The following CD6 variants were observed in gnomAD, a reference collection of about 807,000 sequenced individuals.
CD6 encodes T-cell differentiation antigen CD6.
Under a neutral mutation model 75.3 loss-of-function variants are expected in CD6, and 53 were observed. The ratio of observed to expected loss-of-function variants is 0.70; its 90% CI spans 0.56 to 0.88. The LOEUF (loss-of-function observed/expected upper bound fraction) is 0.88. CD6 is among the 40% of genes least tolerant of loss of function. The pLI, the probability that CD6 is intolerant of heterozygous loss-of-function variation, is 0.00. For missense variants in CD6, 770 were observed against 897.1 expected (o/e 0.86, Z 1.81); for synonymous variants, 359 against 381.5 (o/e 0.94, Z 0.69).
At chr11:61,002,976 C>CTTTTCT (rs548079279) in intron 1 of CD6, among the ~76,000 whole-genome samples, 1 of 146,344 alleles carries the variant, frequency 6.8e-6, no homozygotes, top group African/African-American at 2.6e-5. Flanking sequence ...CTTTTCTTTT[C>CTTTTCT]TTTTTTGAGA....
intron 6 of CD6, among the ~76,000 whole-genome samples, chr11:61,012,022 C>T (rs1416820372): frequency 6.6e-6 from 1 of 152,164 alleles, no homozygotes; most frequent in South Asian, 2.1e-4. Flanking sequence ...GCATTGAGCC[C>T]CTTTGCAGTC....
chr11:61,005,475 G>A (rs1858803630), intron 1 of CD6, among the ~76,000 whole-genome samples: 1 of 152,198 alleles, frequency 6.6e-6, no homozygotes, highest in Non-Finnish European at 1.5e-5. Context: ...AGGAAGACAG[G>A]GGTTAATCCA....
chr11:60,985,641 T>C (rs1857783954), intron 1 of CD6, among the ~76,000 whole-genome samples: 1 of 152,148 alleles, frequency 6.6e-6, no homozygotes, highest in Non-Finnish European at 1.5e-5. Context: ...CGTCCAAGCA[T>C]GAGCTGTCTC....
At chr11:61,015,992 C>G (rs543378396) in intron 9 of CD6, among the ~76,000 whole-genome samples, 157 bp downstream of exon 9, 1 of 152,354 alleles carries the variant, frequency 6.6e-6, no homozygotes, top group South Asian at 2.1e-4. Context: ...TGGTCCTACA[C>G]TGACGTTTGC....
Position 61,007,748 on chromosome 11 carries a change from G to A in CD6, c.307G>A (p.Glu103Lys). Residue 103 changes from glutamate to lysine, a missense_variant, in exon 3 of 13, where the codon GAG becomes AAG. Physicochemically the swap from Glu to Lys is moderately conservative, Grantham distance 56. Coordinates refer to ENST00000313421, the MANE Select transcript of CD6 (RefSeq NM_006725.5). The surrounding 1 kb of genome is among the most constrained non-coding windows in gnomAD (Gnocchi z 4.2). The stretch of plus-strand genomic sequence containing the variant: ...CTCTCAGCTCGCCCCGCCGACCCCT[G>A]AGCTGCCGCCCCCGCCTGCAGCCGG... ...AASQLAPPTPELPPPPAAGNT... is the reference protein window; with the variant it reads ...AASQLAPPTPKLPPPPAAGNT... 2 of 1,445,066 alleles carry A rather than the reference G, an allele frequency of 1.4e-6. No homozygotes were observed. The highest frequency in any genetic ancestry group is 2.7e-5 in the Admixed American group (1 of 37,148). 89.5% of individuals were successfully genotyped at this position (1,445,066 alleles called of 1,614,324 possible). A position where few individuals can be genotyped will look rare whatever the true frequency, so the allele number is the denominator to read the frequency against.
At chr11:60,975,466 T>C (rs1037833340) in intron 1 of CD6, among the ~76,000 whole-genome samples, 1 of 152,238 alleles carries the variant, frequency 6.6e-6, no homozygotes, top group African/African-American at 2.4e-5. Context: ...ATGAATTCTA[T>C]TATCACAATT....
chr11:61,009,597 G>C lies in CD6; in HGVS notation c.807G>C (p.Gly269=), dbSNP rs1202227296. ...CSEHQSWRLT[G]GADRCEGQVE... is the part of the protein sequence containing the mutation. ...AGCACCAGTCCTGGCGCCTGACAGG[G>C]GGCGCTGACCGCTGCGAGGGGCAGG... The change falls in exon 5 of 13, where the codon GGG becomes GGC. Residue 269 remains glycine, a synonymous_variant. Coordinates refer to ENST00000313421, the MANE Select transcript of CD6 (RefSeq NM_006725.5). 5.0e-6 allele frequency: 8 copies of C among 1,609,860 alleles called. No individual in the cohort carries two copies. The highest frequency in any genetic ancestry group is 6.8e-6 in the Non-Finnish European group (8 of 1,178,228).
intron 1 of CD6, among the ~76,000 whole-genome samples, chr11:60,993,411 G>C (rs572008458): frequency 2.0e-5 from 3 of 152,144 alleles, no homozygotes; most frequent in African/African-American, 7.2e-5. Flanking sequence ...GCCAGCTGCC[G>C]TCCCATAGCT....
intron 2 of CD6, 41 bp downstream of exon 2, chr11:61,006,683 T>C (rs371589414): frequency 1.1e-5 from 16 of 1,516,632 alleles, no homozygotes; most frequent in African/African-American, 5.5e-5. Context: ...ATCAGCTTTC[T>C]GTAGGTGGTC....
At chr11:60,983,654 A>T (rs1451259697) in intron 1 of CD6, among the ~76,000 whole-genome samples, 1 of 151,278 alleles carries the variant, frequency 6.6e-6, no homozygotes, top group Non-Finnish European at 1.5e-5. Flanking sequence ...TTACATACGG[A>T]CATTTTCTTA....
intron 1 of CD6, among the ~76,000 whole-genome samples, chr11:60,996,549 C>T (rs916812): frequency 0.096 from 14,677 of 152,242 alleles, 1,152 homozygotes; most frequent in Non-Finnish European, 0.12. Context: ...CCTCGGGAGG[C>T]GGGCCCACCA....
intron 1 of CD6, among the ~76,000 whole-genome samples, chr11:60,977,692 G>C (rs965907745): frequency 3.3e-5 from 5 of 151,896 alleles, no homozygotes; most frequent in African/African-American, 1.2e-4. Flanking sequence ...CTAGAATGCA[G>C]TGGTGCAGCT....
chr11:61,018,681 G>GGTA (rs10623522), intron 12 of CD6: 156,981 of 407,984 alleles, frequency 0.38, 34,140 homozygotes, highest in African/African-American at 0.6. Context: ...ATTAGCCAAG[G>GGTA]GTAGCACGTG....
At position 60,971,763 on chromosome 11, in the gene CD6, G is replaced by A. The variant is rs1304775867; in HGVS notation, c.-103G>A. The A allele has an allele frequency of 3.5e-6, 4 of 1,131,822 alleles. No individual in the cohort carries two copies. The highest frequency in any genetic ancestry group is 5.2e-6 in the Non-Finnish European group (4 of 765,800). The allele number at this position is 1,131,822 out of a possible 1,614,324, so 70.1% of individuals were successfully genotyped here. A position where few individuals can be genotyped will look rare whatever the true frequency, so the allele number is the denominator to read the frequency against. ...AGGAACAAGAACAGCAAAGGGTAGA[G>A]CAGACCTGCGCCAGGGGCGCACAAC... On this transcript the variant is annotated 5_prime_UTR_variant, in exon 1 of 13. Coordinates refer to ENST00000313421, the MANE Select transcript of CD6 (RefSeq NM_006725.5).
At chr11:60,995,906 T>C (rs1858277036) in intron 1 of CD6, among the ~76,000 whole-genome samples, 1 of 152,222 alleles carries the variant, frequency 6.6e-6, no homozygotes, top group South Asian at 2.1e-4. Flanking sequence ...TTATCATTTC[T>C]AAACTCAGTG....
At chr11:60,993,039 A>C (rs1858131271) in intron 1 of CD6, among the ~76,000 whole-genome samples, 1 of 151,812 alleles carries the variant, frequency 6.6e-6, no homozygotes, top group Non-Finnish European at 1.5e-5. Flanking sequence ...GCTGCTTGCA[A>C]CCCTCCATGG....
intron 4 of CD6, 46 bp from the exon 5 acceptor site, chr11:61,009,526 C>T (rs377384306): frequency 2.0e-4 from 297 of 1,512,530 alleles, no homozygotes; most frequent in Non-Finnish European, 2.6e-4. Context: ...GGAATTTCTG[C>T]CCAAAGGATT....
intron 12 of CD6, chr11:61,018,914 G>C (rs1337160426): frequency 2.4e-5 from 8 of 339,378 alleles, no homozygotes; most frequent in Non-Finnish European, 3.2e-5. Context: ...AGGTTGCTTT[G>C]ATAAGAAGTG....
chr11:61,004,496 G>C (rs969311477), intron 1 of CD6: 2 of 152,234 alleles, frequency 1.3e-5, no homozygotes, highest in Middle Eastern at 6.3e-3. Context: ...TAGCGAGGAC[G>C]GCAATTAGAG....
Sources: gnomAD v4.1 joint callset for allele counts (sites outside exome capture counted in the v4.1 genomes callset) on GRCh38, gnomAD v4.1.1 for gene constraint, Gnocchi (gnomAD v3.1) non-coding constraint, MANE v1.5 for transcripts, NCBI Gene and HGNC (gene_info 2026-07-23, HGNC 2026-07-21) for gene names.